TRAPPC9: variants seen among roughly 807,000 people sequenced by gnomAD.
TRAPPC9 encodes IKK2 binding protein.
TRAPPC9 carries 83 observed loss-of-function variants against 124.0 expected under a neutral mutation model. That is an observed-to-expected ratio of 0.67 (90% CI 0.56 to 0.80). The LOEUF (loss-of-function observed/expected upper bound fraction) is 0.80, where lower values mean the gene tolerates loss of function less well. Ranked by LOEUF, TRAPPC9 falls within the 30% of genes least tolerant of loss-of-function variation. The pLI, the probability that TRAPPC9 is intolerant of heterozygous loss-of-function variation, is 0.00. For missense variants in TRAPPC9, 1,302 were observed against 1,508.3 expected, an observed-to-expected ratio of 0.86 and a Z score of 2.27; for synonymous variants, 638 against 617.5, an observed-to-expected ratio of 1.03 and a Z score of -0.49.
At chr8:140,150,966 T>C (rs1339095399) in intron 17 of TRAPPC9, among the ~76,000 whole-genome samples, 1 of 152,338 alleles carries the variant, frequency 6.6e-6, no homozygotes, top group East Asian at 1.9e-4. Flanking sequence ...GCTGAAATTA[T>C]AAACGACTTC....
chr8:140,190,253 C>T (rs1273510553), intron 17 of TRAPPC9, among the ~76,000 whole-genome samples: 1 of 151,958 alleles, frequency 6.6e-6, no homozygotes, highest in Non-Finnish European at 1.5e-5. Flanking sequence ...GTCAGGAGTT[C>T]GAGGCCAGCC....
chr8:140,296,485 C>T (rs928553125), intron 11 of TRAPPC9, among the ~76,000 whole-genome samples: 8 of 152,154 alleles, frequency 5.3e-5, no homozygotes, highest in Admixed American at 4.6e-4. Context: ...AGGCTGGTCT[C>T]GAACTCCTGG....
chr8:139,866,902 T>A (rs570427888), intron 21 of TRAPPC9, among the ~76,000 whole-genome samples: 65 of 152,306 alleles, frequency 4.3e-4, no homozygotes, highest in African/African-American at 1.5e-3. Context: ...TTGGTTGGTG[T>A]GGGATCACTG....
intron 21 of TRAPPC9, among the ~76,000 whole-genome samples, chr8:139,815,414 G>A (rs1333185078): frequency 1.4e-5 from 2 of 142,748 alleles, no homozygotes; most frequent in African/African-American, 2.7e-5. Context: ...TTTTGAGACC[G>A]TCTCGCTCTG....
At chr8:140,039,163 C>G (rs1438876626) in intron 17 of TRAPPC9, among the ~76,000 whole-genome samples, 1 of 152,214 alleles carries the variant, frequency 6.6e-6, no homozygotes, top group Non-Finnish European at 1.5e-5. Context: ...AGTCTGGAAG[C>G]ACCATCAAAT....
At chr8:139,783,879 A>G (rs1204282223) in intron 21 of TRAPPC9, among the ~76,000 whole-genome samples, 3 of 152,226 alleles carry the variant, frequency 2.0e-5, no homozygotes, top group Non-Finnish European at 4.4e-5. Flanking sequence ...TAACAAATAA[A>G]AAAAGAGAAA....
intron 7 of TRAPPC9, 94 bp downstream of exon 7, chr8:140,397,526 G>T: frequency 6.9e-7 from 1 of 1,444,836 alleles, no homozygotes; most frequent in Non-Finnish European, 9.7e-7. Context: ...ATGGCATGCT[G>T]AACCTCAGCA....
intron 21 of TRAPPC9, among the ~76,000 whole-genome samples, chr8:139,790,365 A>G (rs1289738468): frequency 6.6e-6 from 1 of 152,102 alleles, no homozygotes; most frequent in Admixed American, 6.5e-5. Flanking sequence ...AATGAAAGAG[A>G]CCGGGGAGCG....
chr8:139,908,869 C>A (rs765944984), intron 20 of TRAPPC9: 12 of 152,228 alleles, frequency 7.9e-5, no homozygotes, highest in Non-Finnish European at 1.3e-4. Context: ...CTTTTTACTT[C>A]TCTCTGTACC....
At chr8:140,343,044 C>T (rs1224134652) in intron 9 of TRAPPC9, among the ~76,000 whole-genome samples, 2 of 152,064 alleles carry the variant, frequency 1.3e-5, no homozygotes, top group Non-Finnish European at 2.9e-5. Flanking sequence ...ATTCCAAAAT[C>T]CAGCAAAAAT....
At chr8:140,338,211 C>T (rs989997068) in intron 9 of TRAPPC9, among the ~76,000 whole-genome samples, 11 of 152,050 alleles carry the variant, frequency 7.2e-5, no homozygotes, top group African/African-American at 2.7e-4. Context: ...CTGCATGGGC[C>T]AAATAACTGT....
At chr8:140,099,711 T>C (rs1393081846) in intron 17 of TRAPPC9, 1 of 150,636 alleles carries the variant, frequency 6.6e-6, no homozygotes, top group Non-Finnish European at 1.5e-5. Context: ...ATCCACAGGG[T>C]ACTGACACCC....
At chr8:140,221,862 T>C (rs1032002806) in intron 16 of TRAPPC9, among the ~76,000 whole-genome samples, 1 of 152,226 alleles carries the variant, frequency 6.6e-6, no homozygotes, top group African/African-American at 2.4e-5. Context: ...GGTTTTGTTT[T>C]TGTTTTTGTT....
intron 19 of TRAPPC9, among the ~76,000 whole-genome samples, chr8:139,967,941 C>T (rs1835812113): frequency 6.6e-6 from 1 of 151,968 alleles, no homozygotes; most frequent in Non-Finnish European, 1.5e-5. Context: ...GAGTTCCAGA[C>T]CAGTCTGGCG....
At chr8:140,050,106 A>G (rs114973890) in intron 17 of TRAPPC9, among the ~76,000 whole-genome samples, 1 of 152,172 alleles carries the variant, frequency 6.6e-6, no homozygotes, top group African/African-American at 2.4e-5. Context: ...CCATGTTGAT[A>G]GTGGGGCCAC....
chr8:139,988,929 T>C, intron 18 of TRAPPC9, 93 bp from the exon 19 acceptor site: 1 of 839,114 alleles, frequency 1.2e-6, no homozygotes, highest in South Asian at 1.4e-5. Flanking sequence ...TCCCACCACT[T>C]AAGAAGGGCA....
intron 19 of TRAPPC9, among the ~76,000 whole-genome samples, chr8:139,920,833 G>T (rs1832458685): frequency 6.6e-6 from 1 of 152,244 alleles, no homozygotes; most frequent in African/African-American, 2.4e-5. Flanking sequence ...TGAAAAGCTG[G>T]TGCATTGACA....
intron 19 of TRAPPC9, among the ~76,000 whole-genome samples, chr8:139,942,824 C>T (rs1229294866): frequency 6.6e-6 from 1 of 152,208 alleles, no homozygotes; most frequent in African/African-American, 2.4e-5. Context: ...CGGGGAGAGA[C>T]TCTGCCATCT....
At chr8:139,766,861 T>C (rs993246942) in intron 21 of TRAPPC9, among the ~76,000 whole-genome samples, 1 of 152,264 alleles carries the variant, frequency 6.6e-6, no homozygotes, top group Non-Finnish European at 1.5e-5. Context: ...GAATCATCCC[T>C]GTTCTCCTGA....
Sources: allele counts gnomAD v4.1 joint callset (sites outside exome capture counted in the v4.1 genomes callset), GRCh38; gene constraint gnomAD v4.1.1; transcripts MANE v1.5; gene names NCBI Gene and HGNC (gene_info 2026-07-23, HGNC 2026-07-21).